Variants in APOD observed in about 807,000 individuals in gnomAD.
APOD encodes apolipoprotein D, also known as apo-D.
A neutral mutation model predicts 20.4 loss-of-function variants in APOD; 22 were observed. The observed-to-expected ratio is 1.08, with a 90% CI of 0.77 to 1.54. The LOEUF is 1.54. APOD is among the 40% of genes most tolerant of loss of function. The probability of loss-of-function intolerance (pLI) is 0.00; values close to 1 mark genes in which losing one functional copy is unlikely to be tolerated. For synonymous variants in APOD, 97 were observed against 92.4 expected, an observed-to-expected ratio of 1.05 and a Z score of -0.29; for missense variants, 223 against 229.6, an observed-to-expected ratio of 0.97 and a Z score of 0.19.
chr3:195,579,329 C>A lies in APOD; in HGVS notation c.123+10G>T. 6.2e-7 allele frequency: 1 copy of A among 1,614,056 alleles called. No individual in the cohort carries two copies. Among genetic ancestry groups the A allele is most frequent in the Non-Finnish European group, 8.5e-7 (1 of 1,179,952 alleles). On this transcript the variant is annotated intron_variant, in intron 2 of 4. Transcript: ENST00000343267. ...GAGGCAGCAAAACAAACGGGAGGTTCGCCTTTTACCTTATTCACGTCAAAA... is the reference window on the plus strand; with the variant it reads ...GAGGCAGCAAAACAAACGGGAGGTTAGCCTTTTACCTTATTCACGTCAAAA...
chr3:195,577,924 G>C (rs527469566), intron 2 of APOD, among the ~76,000 whole-genome samples: 1 of 152,332 alleles, frequency 6.6e-6, no homozygotes, highest in Admixed American at 6.5e-5. Flanking sequence ...TGGAGACTCC[G>C]TGAATGGGTA....
intron 1 of APOD, among the ~76,000 whole-genome samples, chr3:195,581,722 C>G (rs1294569251): frequency 6.6e-6 from 1 of 152,252 alleles, no homozygotes; most frequent in African/African-American, 2.4e-5. Context: ...CCACATGACA[C>G]TGCAACAAAA....
chr3:195,577,785 G>T (rs1354987518), intron 2 of APOD, among the ~76,000 whole-genome samples: 1 of 152,174 alleles, frequency 6.6e-6, no homozygotes, highest in Non-Finnish European at 1.5e-5. Context: ...CCTTGAAAAC[G>T]TTCAGTAAAC....
At chr3:195,575,522 G>C (rs1445895862) in intron 2 of APOD, among the ~76,000 whole-genome samples, 1 of 152,188 alleles carries the variant, frequency 6.6e-6, no homozygotes. Flanking sequence ...TGCTACTGGG[G>C]AGGGAAACTG....
chr3:195,580,340 C>CTTTCT (rs1720313067), intron 1 of APOD, among the ~76,000 whole-genome samples: 1 of 143,560 alleles, frequency 7.0e-6, no homozygotes, highest in East Asian at 2.1e-4. Flanking sequence ...CAGGTTTCTT[C>CTTTCT]TTTCTTTTCT....
intron 4 of APOD, chr3:195,571,046 C>T (rs377529847): frequency 2.3e-5 from 13 of 558,858 alleles, no homozygotes; most frequent in South Asian, 1.3e-4. Flanking sequence ...TGCGGGGTCA[C>T]GTGTCAGTAT....
intron 2 of APOD, chr3:195,577,061 C>G: frequency 3.7e-6 from 1 of 272,182 alleles, no homozygotes; most frequent in Admixed American, 5.2e-5. Flanking sequence ...GTGGCGTGTA[C>G]CTGTAGTCCC....
At chr3:195,581,920 A>G (rs950498451) in intron 1 of APOD, among the ~76,000 whole-genome samples, 1 of 152,146 alleles carries the variant, frequency 6.6e-6, no homozygotes, top group Admixed American at 6.5e-5. Context: ...CAAGCCTGTA[A>G]TCCCATGGGA....
Position 195,577,014 on chromosome 3 carries a change from G to T in APOD, c.123+2325C>A, listed in dbSNP as rs374939629. The T allele has an allele frequency of 5.8e-3, 1,195 of 205,860 alleles. 7 individuals carry two copies. The highest frequency in any genetic ancestry group is 7.8e-3 in the South Asian group (136 of 17,470). The allele number at this position is 205,860 out of a possible 1,614,324, so 12.8% of individuals were successfully genotyped here. A position where few individuals can be genotyped will look rare whatever the true frequency, so the allele number is the denominator to read the frequency against. ...AGCCTGGGCAACATGGTGAAACCCC[G>T]TCTTTACTAAAATACAAAAAAACTT... On this transcript the variant is annotated intron_variant, in intron 2 of 4. Coordinates refer to ENST00000343267, the MANE Select transcript of APOD (RefSeq NM_001647.4).
intron 4 of APOD, 48 bp downstream of exon 4, chr3:195,571,229 T>A: frequency 2.0e-6 from 3 of 1,537,432 alleles, no homozygotes; most frequent in Non-Finnish European, 1.8e-6. Flanking sequence ...AGCCTTCAGT[T>A]TGCATATTTC....
At chr3:195,576,692 A>G (rs1029462675) in intron 2 of APOD, among the ~76,000 whole-genome samples, 1 of 151,578 alleles carries the variant, frequency 6.6e-6, no homozygotes, top group Non-Finnish European at 1.5e-5. Flanking sequence ...CAACTGTAAT[A>G]CCAGCTACTC....
At chr3:195,582,905 C>A (rs1720365329) in intron 1 of APOD, among the ~76,000 whole-genome samples, 1 of 151,246 alleles carries the variant, frequency 6.6e-6, no homozygotes, top group South Asian at 2.1e-4. Context: ...TGCACTCCAG[C>A]CTGGGTGACA....
chr3:195,575,368 C>T (rs1034539114), intron 2 of APOD, among the ~76,000 whole-genome samples: 23 of 152,260 alleles, frequency 1.5e-4, no homozygotes, highest in African/African-American at 5.5e-4. Flanking sequence ...TTGCAAAAGC[C>T]CTTTTCCCAT....
chr3:195,579,452 G>T lies in APOD; in HGVS notation c.10C>A (p.Leu4Met). ...GCCAGTGCGGAAAGCAGCAGCAGCA[G>T]CATCACCATCTTGGGGCTGGGTGGC... MVM[L>M]LLLLSALAGL... The change falls in exon 2 of 5, where the codon CTG becomes ATG. Residue 4 changes from leucine (L) to methionine (M), a missense_variant. Leu to Met is a conservative substitution (Grantham distance 15). Coordinates refer to ENST00000343267, the MANE Select transcript of APOD (RefSeq NM_001647.4). The T allele has an allele frequency of 6.2e-7, 1 of 1,613,302 alleles. No individual in the cohort carries two copies. The highest frequency in any genetic ancestry group is 1.3e-5 in the African/African-American group (1 of 75,070).
chr3:195,580,100 C>T (rs1720310595), intron 1 of APOD, among the ~76,000 whole-genome samples: 1 of 152,134 alleles, frequency 6.6e-6, no homozygotes, highest in African/African-American at 2.4e-5. Context: ...TCACCCCAGC[C>T]AGGTTCAAAT....
intron 2 of APOD, among the ~76,000 whole-genome samples, chr3:195,576,816 A>G (rs962449325): frequency 6.6e-6 from 1 of 151,904 alleles, no homozygotes; most frequent in Non-Finnish European, 1.5e-5. Context: ...TCACACACAC[A>G]CAAAAATATA....
At chr3:195,573,822 C>T in intron 3 of APOD, 28 bp downstream of exon 3, 1 of 1,611,628 alleles carries the variant, frequency 6.2e-7, no homozygotes, top group South Asian at 1.1e-5. Context: ...CTCCGCAGGC[C>T]TGGCCCCGGA....
chr3:195,572,782 G>A (rs141428067), intron 3 of APOD, among the ~76,000 whole-genome samples: 1 of 152,058 alleles, frequency 6.6e-6, no homozygotes, highest in South Asian at 2.1e-4. Flanking sequence ...GAGGCCAAGG[G>A]GGGGCGGATC....
intron 1 of APOD, chr3:195,583,284 GCCTGGGGACACAGCC>G (rs1243928729): frequency 6.6e-6 from 1 of 152,202 alleles, no homozygotes; most frequent in Non-Finnish European, 1.5e-5. Flanking sequence ...CGCTCTTAGT[GCCTGGGGACACAGCC>G]CCTGACCTCA....
Sources: gnomAD v4.1 joint callset for allele counts (sites outside exome capture counted in the v4.1 genomes callset) on GRCh38, gnomAD v4.1.1 for gene constraint, MANE v1.5 for transcripts, NCBI Gene and HGNC (gene_info 2026-07-23, HGNC 2026-07-21) for gene names.